Variants in GLDC observed in about 807,000 individuals in gnomAD.
The protein encoded by GLDC is glycine dehydrogenase (decarboxylating), mitochondrial.
Under a neutral mutation model 121.3 loss-of-function variants are expected in GLDC, and 104 were observed. The observed-to-expected ratio is 0.86, with a 90% CI of 0.73 to 1.01. GLDC has a LOEUF of 1.01. Among genes scored for constraint, GLDC ranks in the 50% least tolerant of loss-of-function variants. The pLI is 0.00. For synonymous variants in GLDC, 546 were observed against 480.6 expected, an observed-to-expected ratio of 1.14 and a Z score of -1.78; for missense variants, 1,429 against 1,306.6, an observed-to-expected ratio of 1.09 and a Z score of -1.44.
At chr9:6,558,282 G>C (rs1052503754) in intron 17 of GLDC, 159 of 598,582 alleles carry the variant, frequency 2.7e-4, no homozygotes, top group Middle Eastern at 2.2e-3. Flanking sequence ...GAGAAGGAGA[G>C]GGAAGATTGG....
chr9:6,643,717 T>C (rs539510611), intron 2 of GLDC, among the ~76,000 whole-genome samples: 2 of 151,608 alleles, frequency 1.3e-5, no homozygotes, highest in African/African-American at 2.4e-5. Context: ...CAAATGTAAA[T>C]CTTATTTGTG....
intron 11 of GLDC, among the ~76,000 whole-genome samples, chr9:6,589,971 C>A (rs1173709980): frequency 6.6e-6 from 1 of 151,624 alleles, no homozygotes; most frequent in East Asian, 2.0e-4. Flanking sequence ...AGGAGAATGG[C>A]GTGAACCTGG....
Position 6,588,663 on chromosome 9 carries a change from T to A in GLDC, c.1620A>T (p.Lys540Asn), listed in dbSNP as rs749226070. 1.2e-6 allele frequency: 2 copies of A among 1,613,360 alleles called. No individual in the cohort carries two copies. Among genetic ancestry groups the A allele is most frequent in the South Asian group, 2.2e-5 (2 of 91,068 alleles). ...SETNIVRYMKKLENKDISLVH... is the reference protein window; with the variant it reads ...SETNIVRYMKNLENKDISLVH... ...CAAGGGAAATGTCTTTATTTTCCAGTTTCTTCATGTACCGGACAATGTTTG... is the reference window on the plus strand; with the variant it reads ...CAAGGGAAATGTCTTTATTTTCCAGATTCTTCATGTACCGGACAATGTTTG... The change falls in exon 13 of 25, where the codon AAA (lysine) becomes AAT (asparagine). Residue 540 changes from lysine (K) to asparagine (N), a missense_variant. By Grantham distance (94) the Lys-to-Asn change is moderately conservative (BLOSUM62 0). Coordinates refer to ENST00000321612, the MANE Select transcript of GLDC (RefSeq NM_000170.3).
chr9:6,550,415 T>C (rs1817487962), intron 21 of GLDC, among the ~76,000 whole-genome samples: 1 of 152,000 alleles, frequency 6.6e-6, no homozygotes, highest in Admixed American at 6.6e-5. Flanking sequence ...TCACCTGAGG[T>C]CAGGAGTTCG....
intron 9 of GLDC, among the ~76,000 whole-genome samples, chr9:6,593,286 T>TATATATATATATATATATATATATAA (rs1333210071): frequency 4.6e-5 from 7 of 150,604 alleles, no homozygotes; most frequent in African/African-American, 1.7e-4. Flanking sequence ...TATATATATA[T>TATATATATATATATATATATATATAA]AAAATTATAC....
In GLDC at chr9:6,620,707, G is replaced by A. The variant is rs188010597; in HGVS notation, c.335-388C>T. On this transcript the variant is annotated intron_variant, in intron 2 of 24. Coordinates refer to ENST00000321612, the MANE Select transcript of GLDC (RefSeq NM_000170.3). ...AATACTGTGTTTTACCTTCTAAACT[G>A]CCTCATACTCTCTGGAAGTAGGCAC... Among the ~76,000 whole-genome samples the A allele has an allele frequency of 1.7e-3, 262 of 152,172 alleles. 2 individuals carry two copies. The highest frequency in any genetic ancestry group is 6.9e-3 in the South Asian group (33 of 4,812).
At chr9:6,583,398 G>C (rs1030588016) in intron 15 of GLDC, among the ~76,000 whole-genome samples, 3 of 152,226 alleles carry the variant, frequency 2.0e-5, no homozygotes, top group African/African-American at 7.2e-5. Flanking sequence ...AAGTAGGCCA[G>C]GCGCAGGAGA....
chr9:6,612,921 C>T lies in GLDC; in HGVS notation c.471-2565G>A, dbSNP rs564848492. ...GTTTGAGGCTGCAATGAGCCATGAT[C>T]ACGCCTCTGCACTCCCGCCTGGGTG... On this transcript the variant is annotated intron_variant, in intron 3 of 24. Coordinates refer to ENST00000321612, the MANE Select transcript of GLDC (RefSeq NM_000170.3). 1.6e-4 allele frequency among the ~76,000 whole-genome samples: 25 copies of T among 152,252 alleles called. 1 individual carries two copies. In the Middle Eastern group the frequency reaches 0.017, roughly 104 times the overall value.
At chr9:6,555,123 T>A (rs1817595501) in intron 18 of GLDC, among the ~76,000 whole-genome samples, 1 of 152,196 alleles carries the variant, frequency 6.6e-6, no homozygotes. Flanking sequence ...AGAACCTCCA[T>A]GTTGTTGAAA....
chr9:6,628,632 G>T (rs1218548616), intron 2 of GLDC, among the ~76,000 whole-genome samples: 1 of 152,170 alleles, frequency 6.6e-6, no homozygotes, highest in Non-Finnish European at 1.5e-5. Context: ...CAAAAAAAAA[G>T]TCAAAGAATG....
chr9:6,570,476 C>T (rs918982445), intron 15 of GLDC, among the ~76,000 whole-genome samples: 2 of 152,118 alleles, frequency 1.3e-5, no homozygotes, highest in South Asian at 4.1e-4. Flanking sequence ...GGATGGCCAC[C>T]TTTAGTGTGT....
chr9:6,601,465 C>T (rs1818609413), intron 8 of GLDC, among the ~76,000 whole-genome samples: 1 of 152,066 alleles, frequency 6.6e-6, no homozygotes, highest in African/African-American at 2.4e-5. Flanking sequence ...TTACGCTTTG[C>T]CTGTTCAGGA....
chr9:6,604,785 C>A lies in GLDC; in HGVS notation c.862-1G>T, dbSNP rs749542623. The A allele has an allele frequency of 6.2e-7, 1 of 1,613,206 alleles. No homozygotes were observed. ...GGTCAGTAGCACAGCAGGCCAGGCT[C>A]TAGAAAGGAAGTGAGAGAAAAGGAA... On this transcript the variant is annotated splice_acceptor_variant, in intron 6 of 24. Coordinates refer to ENST00000321612, the MANE Select transcript of GLDC (RefSeq NM_000170.3). LOFTEE classifies it high-confidence loss of function.
chr9:6,569,741 C>T (rs546805481), intron 15 of GLDC, among the ~76,000 whole-genome samples: 9 of 151,962 alleles, frequency 5.9e-5, no homozygotes, highest in Non-Finnish European at 8.8e-5. Flanking sequence ...GTTGGGAGGC[C>T]GAGGCGAGCG....
chr9:6,639,888 C>A (rs185493495), intron 2 of GLDC, among the ~76,000 whole-genome samples: 9 of 152,170 alleles, frequency 5.9e-5, no homozygotes, highest in Admixed American at 1.3e-4. Flanking sequence ...ATCCAGGAAA[C>A]CGAACAACAA....
chr9:6,594,248 T>C (rs1818443097), intron 9 of GLDC, among the ~76,000 whole-genome samples: 1 of 152,204 alleles, frequency 6.6e-6, no homozygotes, highest in South Asian at 2.1e-4. Context: ...CATTTATTTG[T>C]ATACTTATTT....
At chr9:6,612,619 C>T (rs955421598) in intron 3 of GLDC, among the ~76,000 whole-genome samples, 13 of 151,936 alleles carry the variant, frequency 8.6e-5, no homozygotes, top group South Asian at 2.1e-4. Flanking sequence ...AATCCCAGCA[C>T]GTTGGGAGGC....
chr9:6,534,320 T>C (rs575159288), intron 24 of GLDC: 15 of 278,712 alleles, frequency 5.4e-5, no homozygotes, highest in East Asian at 1.5e-4. Context: ...ATAGCATAAT[T>C]TGGCACATTT....
At chr9:6,556,071 T>A (rs1444133640) in intron 18 of GLDC, 82 bp downstream of exon 18, 4 of 1,227,314 alleles carry the variant, frequency 3.3e-6, no homozygotes, top group Non-Finnish European at 4.7e-6. Flanking sequence ...GCAGGAAGCC[T>A]CTCAAGAAGT....
Sources: allele counts gnomAD v4.1 joint callset (sites outside exome capture counted in the v4.1 genomes callset), GRCh38; gene constraint gnomAD v4.1.1; transcripts MANE v1.5; gene names NCBI Gene and HGNC (gene_info 2026-07-23, HGNC 2026-07-21).